Variants in GREM2 observed in about 807,000 individuals in gnomAD.
GREM2 encodes gremlin-2.
In GREM2, 11 loss-of-function variants were observed where a neutral mutation model predicts 14.2. The ratio of observed to expected loss-of-function variants is 0.78; its 90% CI spans 0.49 to 1.28. The LOEUF is 1.28. Ranked by LOEUF, GREM2 falls within the 50% of genes most tolerant of loss-of-function variation. GREM2 has a pLI of 0.00. For synonymous variants in GREM2, 98 were observed against 97.6 expected (o/e 1.00, Z -0.02); for missense variants, 210 against 218.5 (o/e 0.96, Z 0.24).
chr1:240,562,875 T>C (rs1679079618), intron 1 of GREM2, among the ~76,000 whole-genome samples: 1 of 151,300 alleles, frequency 6.6e-6, no homozygotes, highest in African/African-American at 2.4e-5. Context: ...TATGTGAGTG[T>C]GTATGTGTGT....
At chr1:240,562,676 C>A (rs911515414) in intron 1 of GREM2, among the ~76,000 whole-genome samples, 1 of 151,834 alleles carries the variant, frequency 6.6e-6, no homozygotes. Context: ...TTAGCATTTA[C>A]TATATAGAAA....
intron 1 of GREM2, among the ~76,000 whole-genome samples, chr1:240,508,314 A>T (rs1170409611): frequency 6.6e-6 from 1 of 152,254 alleles, no homozygotes; most frequent in Admixed American, 6.5e-5. Context: ...ATATTCAAAC[A>T]GCCAGAATAT....
intron 1 of GREM2, among the ~76,000 whole-genome samples, chr1:240,572,039 G>C (rs1385228278): frequency 1.3e-5 from 2 of 152,112 alleles, no homozygotes; most frequent in Non-Finnish European, 1.5e-5. Context: ...GGCCTCATGA[G>C]GATTTTGGCA....
chr1:240,496,945 C>T (rs1336496834), intron 1 of GREM2, among the ~76,000 whole-genome samples: 1 of 151,856 alleles, frequency 6.6e-6, no homozygotes, highest in South Asian at 2.1e-4. Flanking sequence ...CGCTTGAACC[C>T]GGGAGGCAGA....
chr1:240,531,674 C>T, intron 1 of GREM2: 1 of 984,736 alleles, frequency 1.0e-6, no homozygotes, highest in Non-Finnish European at 1.2e-6. Context: ...GGACTCAGCT[C>T]TGAGTGCTCT....
At chr1:240,537,929 G>A (rs1238163504) in intron 1 of GREM2, among the ~76,000 whole-genome samples, 1 of 152,212 alleles carries the variant, frequency 6.6e-6, no homozygotes, top group African/African-American at 2.4e-5. Flanking sequence ...ATAATGTCCT[G>A]TAGAACCTTG....
At chr1:240,505,608 C>T (rs1339227407) in intron 1 of GREM2, among the ~76,000 whole-genome samples, 1 of 151,368 alleles carries the variant, frequency 6.6e-6, no homozygotes, top group Non-Finnish European at 1.5e-5. Flanking sequence ...CTTTTTTTAT[C>T]AAATACTGTT....
rs533988435 is a variant in GREM2, at chr1:240,493,367, C to T, written c.109G>A (p.Gly37Ser). 6.8e-6 allele frequency: 11 copies of T among 1,613,940 alleles called. No individual in the cohort carries two copies. Among genetic ancestry groups the T allele is most frequent in the East Asian group, 2.2e-5 (1 of 44,836 alleles). Residue 37 changes from glycine (G) to serine (S), a missense_variant, in exon 2 of 2, where the codon GGC becomes AGC. Physicochemically the swap from Gly to Ser is moderately conservative, Grantham distance 56. Coordinates refer to ENST00000318160, the MANE Select transcript of GREM2 (RefSeq NM_022469.4). ...CATCTCTCCGAGTTGTTGCTGCTGC[C>T]GTCCTTGTAAGGCGAGGGGATGGCG... The part of the protein sequence containing the change: ...AGAIPSPYKD[G>S]SSNNSERWQH...
intron 1 of GREM2, among the ~76,000 whole-genome samples, chr1:240,504,107 CT>C (rs1198858129): frequency 6.6e-6 from 1 of 152,088 alleles, no homozygotes; most frequent in African/African-American, 2.4e-5. Flanking sequence ...CTACATAAGC[CT>C]TTAATCACAA....
At chr1:240,529,196 A>G (rs1236399642) in intron 1 of GREM2, among the ~76,000 whole-genome samples, 2 of 141,874 alleles carry the variant, frequency 1.4e-5, no homozygotes, top group East Asian at 2.1e-4. Flanking sequence ...ATTAAAATCC[A>G]TCTTGTGCCT....
At chr1:240,521,780 A>T (rs768049538) in intron 1 of GREM2, among the ~76,000 whole-genome samples, 9 of 152,076 alleles carry the variant, frequency 5.9e-5, no homozygotes, top group Non-Finnish European at 1.0e-4. Context: ...TGGTGGTCAC[A>T]TATGTGATGT....
chr1:240,533,023 C>T (rs953451188), intron 1 of GREM2, among the ~76,000 whole-genome samples: 12 of 152,236 alleles, frequency 7.9e-5, no homozygotes, highest in East Asian at 5.8e-4. Flanking sequence ...ATTGATATTG[C>T]GATACAGAGG....
intron 1 of GREM2, among the ~76,000 whole-genome samples, chr1:240,572,924 T>G (rs899525864): frequency 2.0e-5 from 3 of 152,166 alleles, no homozygotes; most frequent in African/African-American, 7.2e-5. Flanking sequence ...ATAAAATGTT[T>G]TCCTTACCTG....
chr1:240,577,483 C>T (rs1387924075), intron 1 of GREM2, among the ~76,000 whole-genome samples: 1 of 152,144 alleles, frequency 6.6e-6, no homozygotes, highest in East Asian at 1.9e-4. Context: ...TGGGTTCTCA[C>T]CATTTGGACA....
At chr1:240,595,440 T>C (rs183564455) in intron 1 of GREM2, among the ~76,000 whole-genome samples, 48 of 152,312 alleles carry the variant, frequency 3.2e-4, no homozygotes, top group African/African-American at 1.1e-3. Flanking sequence ...CACCCTTTCC[T>C]GCACCCCCTC....
At chr1:240,577,756 T>C (rs541265777) in intron 1 of GREM2, among the ~76,000 whole-genome samples, 2 of 152,366 alleles carry the variant, frequency 1.3e-5, no homozygotes, top group East Asian at 3.9e-4. Flanking sequence ...TCATAACTTA[T>C]GGTTACTTGT....
At chr1:240,592,632 T>C (rs999515278) in intron 1 of GREM2, among the ~76,000 whole-genome samples, 3 of 152,190 alleles carry the variant, frequency 2.0e-5, no homozygotes, top group African/African-American at 7.2e-5. Flanking sequence ...ATTATGTATT[T>C]ATGTGCCTCA....
At chr1:240,550,621 G>C (rs1176551236) in intron 1 of GREM2, among the ~76,000 whole-genome samples, 1 of 152,114 alleles carries the variant, frequency 6.6e-6, no homozygotes, top group Non-Finnish European at 1.5e-5. Context: ...AAAAATGACA[G>C]GTGGAAATAG....
chr1:240,596,723 A>G (rs1352298464), intron 1 of GREM2, among the ~76,000 whole-genome samples: 2 of 151,838 alleles, frequency 1.3e-5, no homozygotes, highest in Non-Finnish European at 2.9e-5. Context: ...AAGGTGACTC[A>G]ATCTATTTCT....
Sources: gnomAD v4.1 joint callset for allele counts (sites outside exome capture counted in the v4.1 genomes callset) on GRCh38, gnomAD v4.1.1 for gene constraint, MANE v1.5 for transcripts, NCBI Gene and HGNC (gene_info 2026-07-23, HGNC 2026-07-21) for gene names.